Variants in ZCCHC7 observed in about 807,000 individuals in gnomAD.
ZCCHC7 encodes zinc finger CCHC-type containing 7, also known as zinc finger CCHC domain-containing protein 7.
ZCCHC7 carries 35 observed loss-of-function variants against 52.0 expected under a neutral mutation model. The ratio of observed to expected loss-of-function variants is 0.67; its 90% CI spans 0.51 to 0.89. The LOEUF (loss-of-function observed/expected upper bound fraction) is 0.89. ZCCHC7 is among the 40% of genes least tolerant of loss of function. The pLI is 0.00. For synonymous variants in ZCCHC7, 217 were observed against 221.5 expected, an observed-to-expected ratio of 0.98 and a Z score of 0.18; for missense variants, 574 against 649.1, an observed-to-expected ratio of 0.88 and a Z score of 1.26.
At chr9:37,172,682 C>T (rs1300648169) in intron 2 of ZCCHC7, among the ~76,000 whole-genome samples, 2 of 152,190 alleles carry the variant, frequency 1.3e-5, no homozygotes, top group Non-Finnish European at 2.9e-5. Context: ...CCAATAGGGA[C>T]TTGAGTGAAC....
intron 2 of ZCCHC7, among the ~76,000 whole-genome samples, chr9:37,277,470 C>T (rs1026221485): frequency 6.6e-6 from 1 of 151,920 alleles, no homozygotes; most frequent in Non-Finnish European, 1.5e-5. Flanking sequence ...AGTGAGACCC[C>T]CCCATCTCTG....
chr9:37,234,877 T>C (rs921558231), intron 2 of ZCCHC7, among the ~76,000 whole-genome samples: 1 of 152,242 alleles, frequency 6.6e-6, no homozygotes, highest in African/African-American at 2.4e-5. Context: ...TGCTATGTCG[T>C]TTTACCTGCA....
At chr9:37,314,450 A>G (rs1418280932) in intron 5 of ZCCHC7, among the ~76,000 whole-genome samples, 1 of 152,212 alleles carries the variant, frequency 6.6e-6, no homozygotes, top group Admixed American at 6.5e-5. Context: ...AAATCCAGGT[A>G]TAAAAGTCCA....
At chr9:37,264,875 T>C (rs570862294) in intron 2 of ZCCHC7, among the ~76,000 whole-genome samples, 3 of 152,318 alleles carry the variant, frequency 2.0e-5, no homozygotes, top group African/African-American at 7.2e-5. Context: ...TTAAAAGCTA[T>C]ATGTTTGAAG....
intron 2 of ZCCHC7, among the ~76,000 whole-genome samples, chr9:37,233,915 A>T (rs1825522319): frequency 6.6e-6 from 1 of 152,142 alleles, no homozygotes; most frequent in Non-Finnish European, 1.5e-5. Context: ...GTGCAGTGGC[A>T]CGATCTCGGC....
intron 2 of ZCCHC7, among the ~76,000 whole-genome samples, chr9:37,166,811 A>G (rs1307273410): frequency 3.9e-5 from 6 of 152,166 alleles, no homozygotes; most frequent in African/African-American, 4.8e-5. Flanking sequence ...CCCAGGGGTT[A>G]TTTAGAAGTG....
Position 37,354,918 on chromosome 9 carries a change from AG to A in ZCCHC7, c.1198+95del. On this transcript the variant is annotated intron_variant, in intron 8 of 8. Transcript: ENST00000336755. This position sits in a 1 kb window ranked among gnomAD's most constrained non-coding sequence, Gnocchi z 4.0. ...TTGCCTGCTTTGGGGGTCATTGGTTAGCATAGAAAGTATTTTTAGTAATTAC... is the reference window on the plus strand; with the variant it reads ...TTGCCTGCTTTGGGGGTCATTGGTTACATAGAAAGTATTTTTAGTAATTAC... The A allele has an allele frequency of 1.4e-6, 1 of 729,844 alleles. No homozygotes were observed. The highest frequency in any genetic ancestry group is 2.2e-6 in the Non-Finnish European group (1 of 456,778). 45.2% of individuals were successfully genotyped at this position (729,844 alleles called of 1,614,324 possible).
At chr9:37,264,861 G>A (rs918952740) in intron 2 of ZCCHC7, among the ~76,000 whole-genome samples, 31 of 152,306 alleles carry the variant, frequency 2.0e-4, no homozygotes, top group African/African-American at 7.0e-4. Flanking sequence ...TGTAAAATGA[G>A]TTGTTAAAAG....
chr9:37,249,662 G>A (rs1260366381), intron 2 of ZCCHC7, among the ~76,000 whole-genome samples: 1 of 151,656 alleles, frequency 6.6e-6, no homozygotes, highest in Non-Finnish European at 1.5e-5. Context: ...TGTTGGCCAG[G>A]GTGGTCTCAA....
At chr9:37,306,939 C>G (rs1005348025) in intron 5 of ZCCHC7, among the ~76,000 whole-genome samples, 39 of 151,376 alleles carry the variant, frequency 2.6e-4, no homozygotes, top group African/African-American at 5.1e-4. Flanking sequence ...AGGCGCCCAC[C>G]ACCATGCCTG....
intron 2 of ZCCHC7, chr9:37,186,797 G>A (rs954771640): frequency 4.4e-6 from 2 of 452,730 alleles, no homozygotes; most frequent in Non-Finnish European, 8.5e-6. Context: ...TTAATACATG[G>A]GGGATGATTT....
rs1237800054 is a variant in ZCCHC7, at chr9:37,336,017, T to A, written c.987+8183T>A. ...ATGAGAATAAAACGAAATTGAAAAA[T>A]TCACCCAAACATAAACATACCCCAA... On this transcript the variant is annotated intron_variant, in intron 6 of 8. Coordinates refer to ENST00000336755, the MANE Select transcript of ZCCHC7 (RefSeq NM_032226.3). 2.0e-5 allele frequency among the ~76,000 whole-genome samples: 3 copies of A among 152,098 alleles called. No individual in the cohort carries two copies. In the East Asian group the frequency reaches 5.8e-4, roughly 29 times the overall value.
At chr9:37,192,143 A>G (rs528598303) in intron 2 of ZCCHC7, among the ~76,000 whole-genome samples, 1 of 152,378 alleles carries the variant, frequency 6.6e-6, no homozygotes, top group African/African-American at 2.4e-5. Context: ...ATTAAGAGTC[A>G]GAAGAAAGTC....
chr9:37,300,163 A>T (rs1327672695), intron 2 of ZCCHC7, among the ~76,000 whole-genome samples: 1 of 152,170 alleles, frequency 6.6e-6, no homozygotes, highest in African/African-American at 2.4e-5. Flanking sequence ...CCCTCCTTCA[A>T]ACCTTCCTTT....
At chr9:37,296,485 G>A (rs889564438) in intron 2 of ZCCHC7, among the ~76,000 whole-genome samples, 5 of 152,000 alleles carry the variant, frequency 3.3e-5, no homozygotes, top group Admixed American at 2.0e-4. Context: ...CTCAGATCAG[G>A]GAGAGTTTTG....
intron 2 of ZCCHC7, among the ~76,000 whole-genome samples, chr9:37,206,988 T>C (rs1823952356): frequency 6.6e-6 from 1 of 151,058 alleles, no homozygotes; most frequent in Non-Finnish European, 1.5e-5. Flanking sequence ...TCGTTGGTCA[T>C]GGTGGTGTGC....
At chr9:37,348,387 T>TTTCTTTCTTTCTTTCTTTCC (rs1821150983) in intron 6 of ZCCHC7, among the ~76,000 whole-genome samples, 1 of 150,268 alleles carries the variant, frequency 6.7e-6, no homozygotes, top group Non-Finnish European at 1.5e-5. Flanking sequence ...TCTTTCTTTC[T>TTTCTTTCTTTCTTTCTTTCC]TTCTTTTTTG....
At chr9:37,235,263 T>A (rs1169911282) in intron 2 of ZCCHC7, among the ~76,000 whole-genome samples, 1 of 152,128 alleles carries the variant, frequency 6.6e-6, no homozygotes, top group Non-Finnish European at 1.5e-5. Flanking sequence ...CTCCATCCAG[T>A]CTTTGGCCAG....
intron 2 of ZCCHC7, among the ~76,000 whole-genome samples, chr9:37,131,981 G>A (rs2172364): frequency 0.56 from 85,749 of 152,040 alleles, 24,834 homozygotes; most frequent in African/African-American, 0.7. Flanking sequence ...GTTTATTTCT[G>A]AGGTCTGAGC....
Sources: allele counts gnomAD v4.1 joint callset (sites outside exome capture counted in the v4.1 genomes callset), GRCh38; gene constraint gnomAD v4.1.1; non-coding constraint Gnocchi (gnomAD v3.1); transcripts MANE v1.5; gene names NCBI Gene and HGNC (gene_info 2026-07-23, HGNC 2026-07-21).